The following RANBP17 variants were observed in gnomAD, a reference collection of about 807,000 sequenced individuals.
The protein encoded by RANBP17 is RAN binding protein 17, also known as ran-binding protein 17.
A neutral mutation model predicts 141.2 loss-of-function variants in RANBP17; 158 were observed. The ratio of observed to expected loss-of-function variants is 1.12; its 90% CI spans 0.98 to 1.28. The LOEUF is 1.28. Among genes scored for constraint, RANBP17 ranks in the 50% most tolerant of loss-of-function variants. The pLI, the probability that RANBP17 is intolerant of heterozygous loss-of-function variation, is 0.00. For synonymous variants in RANBP17, 430 were observed against 450.0 expected, an observed-to-expected ratio of 0.96 and a Z score of 0.56; for missense variants, 1,438 against 1,290.7, an observed-to-expected ratio of 1.11 and a Z score of -1.75.
At chr5:171,161,439 T>C in intron 14 of RANBP17, 1 of 201,052 alleles carries the variant, frequency 5.0e-6, no homozygotes, top group East Asian at 7.6e-5. Context: ...TACCCAGAGT[T>C]CCAGAGAAGG....
intron 14 of RANBP17, among the ~76,000 whole-genome samples, chr5:170,997,068 C>G (rs368855191): frequency 6.6e-6 from 1 of 152,238 alleles, no homozygotes; most frequent in East Asian, 1.9e-4. Context: ...CCATGCTGTT[C>G]TCGTGATAGT....
intron 14 of RANBP17, among the ~76,000 whole-genome samples, chr5:171,159,917 CAAA>C (rs1175963382): frequency 0.013 from 519 of 41,486 alleles, 6 homozygotes; most frequent in African/African-American, 0.035. Flanking sequence ...GACTCCATCT[CAAA>C]AAAAAAAAAA....
chr5:171,170,167 A>C lies in RANBP17; in HGVS notation c.1748A>C (p.Asp583Ala). The C allele has an allele frequency of 6.3e-7, 1 of 1,589,002 alleles. No individual in the cohort carries two copies. Among genetic ancestry groups the C allele is most frequent in the Non-Finnish European group, 8.6e-7 (1 of 1,166,062 alleles). The change falls in exon 15 of 28, where the codon GAT (aspartate) becomes GCT (alanine). Residue 583 changes from aspartate to alanine, a missense_variant. Transcript: ENST00000523189. ...ARMSEVLGIT[D>A]DNHVLETFMT... The stretch of plus-strand genomic sequence containing the variant: ...ATGTCAGAAGTCTTAGGAATAACAG[A>C]TGACAACCACGTTCTAGAGACGTTC...
chr5:171,206,649 A>C (rs1762594982), intron 20 of RANBP17: 1 of 177,648 alleles, frequency 5.6e-6, no homozygotes, highest in Admixed American at 6.3e-5. Flanking sequence ...TTGCAATAGA[A>C]ACTTCTTAAA....
chr5:171,007,437 C>T (rs972408987), intron 14 of RANBP17, among the ~76,000 whole-genome samples: 14 of 151,872 alleles, frequency 9.2e-5, no homozygotes, highest in Admixed American at 2.6e-4. Context: ...TTCAGCCTGG[C>T]AGGGAGCGAC....
At chr5:170,955,619 A>ATATATATATATATATATATGCTCAGTG (rs1775605661) in intron 13 of RANBP17, among the ~76,000 whole-genome samples, 1 of 14,380 alleles carries the variant, frequency 7.0e-5, no homozygotes, top group East Asian at 7.0e-3. Flanking sequence ...TGCTCAGTGT[A>ATATATATATATATATATATGCTCAGTG]TATATATATA....
rs180985983 is a variant in RANBP17, at chr5:171,278,956, G to A, written c.2943+13109G>A. Among the ~76,000 whole-genome samples the A allele has an allele frequency of 1.7e-3, 255 of 152,228 alleles. 1 individual carries two copies. Among genetic ancestry groups the A allele is most frequent in the African/African-American group, 5.7e-3 (238 of 41,530 alleles). ...GGTACCACTTTTTTGTGTCCTTGAGGGGAAAATATCCCTGCTATTTATACT... is the reference window on the plus strand; with the variant it reads ...GGTACCACTTTTTTGTGTCCTTGAGAGGAAAATATCCCTGCTATTTATACT... On this transcript the variant is annotated intron_variant, in intron 25 of 27. Coordinates refer to ENST00000523189, the MANE Select transcript of RANBP17 (RefSeq NM_022897.5).
At chr5:171,193,088 T>C (rs927438531) in intron 18 of RANBP17, among the ~76,000 whole-genome samples, 1 of 152,124 alleles carries the variant, frequency 6.6e-6, no homozygotes, top group African/African-American at 2.4e-5. Flanking sequence ...TGTTACTTGG[T>C]TTTGAATGGT....
intron 14 of RANBP17, among the ~76,000 whole-genome samples, chr5:170,980,367 C>T (rs577729516): frequency 6.6e-6 from 1 of 152,270 alleles, no homozygotes; most frequent in East Asian, 1.9e-4. Context: ...ATATTAATCC[C>T]CAAGACAATG....
At chr5:171,048,111 G>A (rs1057407291) in intron 14 of RANBP17, among the ~76,000 whole-genome samples, 1 of 152,096 alleles carries the variant, frequency 6.6e-6, no homozygotes, top group Non-Finnish European at 1.5e-5. Context: ...GTCTCATCCT[G>A]GAGTGCGATG....
chr5:171,181,438 G>A (rs543885428), intron 16 of RANBP17, among the ~76,000 whole-genome samples: 30 of 151,098 alleles, frequency 2.0e-4, no homozygotes, highest in African/African-American at 2.9e-4. Context: ...GCGACAGAGC[G>A]AAGAGTCTGT....
At chr5:171,142,410 G>A (rs182553407) in intron 14 of RANBP17, among the ~76,000 whole-genome samples, 3 of 152,318 alleles carry the variant, frequency 2.0e-5, no homozygotes, top group African/African-American at 7.2e-5. Context: ...TTGTTAGACA[G>A]TGAGGCCTTG....
intron 25 of RANBP17, among the ~76,000 whole-genome samples, chr5:171,285,820 A>G (rs1768141499): frequency 6.6e-6 from 1 of 152,226 alleles, no homozygotes; most frequent in African/African-American, 2.4e-5. Context: ...ATTTATTTCA[A>G]CCATGGAAAA....
In RANBP17 at chr5:170,873,590, G is replaced by A. The variant is rs540207347; in HGVS notation, c.19-4507G>A. 7.9e-5 allele frequency among the ~76,000 whole-genome samples: 12 copies of A among 152,182 alleles called. No homozygotes were observed. In the South Asian group the frequency reaches 2.3e-3, roughly 29 times the overall value. On this transcript the variant is annotated intron_variant, in intron 1 of 27. Coordinates refer to ENST00000523189, the MANE Select transcript of RANBP17 (RefSeq NM_022897.5). ...GTGTTGTGAGGGTGTATATGTCCAG[G>A]AATTTTTCCATTTCTTCTAGATTTT...
chr5:171,249,509 C>T (rs572536896), intron 24 of RANBP17, among the ~76,000 whole-genome samples: 1 of 151,946 alleles, frequency 6.6e-6, no homozygotes, highest in Non-Finnish European at 1.5e-5. Context: ...TAAGAGAAAT[C>T]TGAAAAACAA....
intron 24 of RANBP17, among the ~76,000 whole-genome samples, chr5:171,243,932 G>C (rs1765045820): frequency 6.6e-6 from 1 of 151,594 alleles, no homozygotes; most frequent in African/African-American, 2.4e-5. Flanking sequence ...AAAAAAATTA[G>C]CCAGGCATGA....
intron 18 of RANBP17, among the ~76,000 whole-genome samples, chr5:171,198,448 C>T (rs761953860): frequency 8.5e-5 from 13 of 152,210 alleles, no homozygotes; most frequent in Non-Finnish European, 1.6e-4. Flanking sequence ...CCAGATCAGC[C>T]ACTCCTTAAG....
chr5:170,989,207 C>T (rs978124807), intron 14 of RANBP17, among the ~76,000 whole-genome samples: 2 of 151,816 alleles, frequency 1.3e-5, no homozygotes, highest in Non-Finnish European at 3.0e-5. Context: ...AAGTATCTTG[C>T]TTGAAGGGAA....
chr5:170,881,552 CT>C (rs1407974382), intron 2 of RANBP17, among the ~76,000 whole-genome samples: 3 of 152,124 alleles, frequency 2.0e-5, no homozygotes, highest in Non-Finnish European at 2.9e-5. Flanking sequence ...TTTATTTCTC[CT>C]CTTTGCTTAT....
Sources: gnomAD v4.1 joint callset for allele counts (sites outside exome capture counted in the v4.1 genomes callset) on GRCh38, gnomAD v4.1.1 for gene constraint, MANE v1.5 for transcripts, NCBI Gene and HGNC (gene_info 2026-07-23, HGNC 2026-07-21) for gene names.